CWF19L2: variants seen among roughly 807,000 people sequenced by gnomAD.
The protein encoded by CWF19L2 is CWF19 like cell cycle control factor 2.
Under a neutral mutation model 111.7 loss-of-function variants are expected in CWF19L2, and 98 were observed. The observed-to-expected ratio is 0.88, with a 90% CI of 0.75 to 1.04. The LOEUF (loss-of-function observed/expected upper bound fraction) is 1.04, where lower values mean the gene tolerates loss of function less well. Among genes scored for constraint, CWF19L2 ranks in the 50% least tolerant of loss-of-function variants. The probability of loss-of-function intolerance (pLI) is 0.00; values close to 1 mark genes in which losing one functional copy is unlikely to be tolerated. For synonymous variants in CWF19L2, 351 were observed against 342.9 expected (o/e 1.02, Z -0.26); for missense variants, 1,101 against 1,051.4 (o/e 1.05, Z -0.65).
Position 107,454,361 on chromosome 11 carries a change from G to A in CWF19L2, c.339+89C>T, listed in dbSNP as rs999878591. On this transcript the variant is annotated intron_variant, in intron 3 of 17. Coordinates refer to ENST00000282251, the MANE Select transcript of CWF19L2 (RefSeq NM_152434.3). ...TCATAACTAGTAATATATTTTTTACGTTTTCTTGTATTTTAACTTCCCATA... is the reference window on the plus strand; with the variant it reads ...TCATAACTAGTAATATATTTTTTACATTTTCTTGTATTTTAACTTCCCATA... 61 of 1,035,760 alleles carry A rather than the reference G, an allele frequency of 5.9e-5. No homozygotes were observed. In the East Asian group the frequency reaches 7.7e-4, roughly 13 times the overall value. The allele number at this position is 1,035,760 out of a possible 1,614,324, so 64.2% of individuals were successfully genotyped here.
At chr11:107,349,186 A>C in intron 13 of CWF19L2, 133 bp from the exon 14 acceptor site, 1 of 394,672 alleles carries the variant, frequency 2.5e-6, no homozygotes, top group Non-Finnish European at 4.7e-6. Flanking sequence ...TTTAATGAAG[A>C]ATACTTAAGA....
At chr11:107,435,918 G>A (rs1163478830) in intron 6 of CWF19L2, among the ~76,000 whole-genome samples, 1 of 152,082 alleles carries the variant, frequency 6.6e-6, no homozygotes. Flanking sequence ...CACTTTGGGA[G>A]GCCAAGGTGG....
chr11:107,410,711 T>C (rs571422445), intron 10 of CWF19L2, among the ~76,000 whole-genome samples: 1 of 152,292 alleles, frequency 6.6e-6, no homozygotes, highest in South Asian at 2.1e-4. Flanking sequence ...AATTATTCAG[T>C]CATATCCTCA....
At chr11:107,350,796 C>G (rs913046178) in intron 13 of CWF19L2, among the ~76,000 whole-genome samples, 17 of 151,996 alleles carry the variant, frequency 1.1e-4, no homozygotes, top group African/African-American at 4.1e-4. Context: ...AGGAAGCCTC[C>G]CTTTAAAGTT....
intron 14 of CWF19L2, among the ~76,000 whole-genome samples, chr11:107,337,989 T>C (rs1039956334): frequency 6.6e-6 from 1 of 152,180 alleles, no homozygotes; most frequent in Non-Finnish European, 1.5e-5. Context: ...ATATTGACAT[T>C]GATATAGTCA....
intron 10 of CWF19L2, chr11:107,404,324 G>C (rs1030430264): frequency 1.3e-6 from 1 of 788,560 alleles, no homozygotes; most frequent in East Asian, 2.4e-5. Flanking sequence ...CTTTAGGTCA[G>C]GGTTGGAAGC....
At chr11:107,333,599 T>C (rs1312750435) in intron 16 of CWF19L2, among the ~76,000 whole-genome samples, 2 of 152,224 alleles carry the variant, frequency 1.3e-5, no homozygotes, top group Non-Finnish European at 2.9e-5. Flanking sequence ...ACAGTACATT[T>C]AGAGTTTTTG....
At chr11:107,362,469 G>A (rs1297594923) in intron 12 of CWF19L2, among the ~76,000 whole-genome samples, 2 of 152,106 alleles carry the variant, frequency 1.3e-5, no homozygotes, top group African/African-American at 2.4e-5. Context: ...GCACGCAGCT[G>A]GAGATCTGAA....
intron 10 of CWF19L2, 114 bp from the exon 11 acceptor site, chr11:107,393,009 T>G (rs554862106): frequency 4.7e-6 from 3 of 636,576 alleles, no homozygotes; most frequent in Admixed American, 3.7e-5. Flanking sequence ...ACGTTGTGGA[T>G]TGCCTTAAAT....
intron 6 of CWF19L2, among the ~76,000 whole-genome samples, chr11:107,436,405 C>A (rs995647518): frequency 1.4e-5 from 2 of 145,634 alleles, no homozygotes; most frequent in African/African-American, 5.0e-5. Context: ...AATATTAATA[C>A]AACCAAATGA....
chr11:107,423,883 A>C (rs1445789588), intron 8 of CWF19L2, among the ~76,000 whole-genome samples: 2 of 151,786 alleles, frequency 1.3e-5, no homozygotes, highest in Non-Finnish European at 3.0e-5. Context: ...AAACGACTAC[A>C]TCAAATGTCA....
intron 12 of CWF19L2, among the ~76,000 whole-genome samples, chr11:107,364,632 A>G (rs1445575020): frequency 7.9e-6 from 1 of 127,062 alleles, no homozygotes; most frequent in Non-Finnish European, 1.6e-5. Flanking sequence ...CAACAAGAAC[A>G]AAGACACAAC....
intron 12 of CWF19L2, among the ~76,000 whole-genome samples, chr11:107,387,267 A>C (rs1215449034): frequency 1.3e-5 from 2 of 152,016 alleles, no homozygotes; most frequent in Non-Finnish European, 2.9e-5. Flanking sequence ...CTGTATCCTG[A>C]CACTTTTCAC....
In CWF19L2 at chr11:107,371,059, G is replaced by A. The variant is rs1860502844; in HGVS notation, c.1873-17323C>T. Among the ~76,000 whole-genome samples the A allele has an allele frequency of 1.6e-5, 2 of 122,164 alleles. 1 individual carries two copies. The highest frequency in any genetic ancestry group is 6.9e-5 in the African/African-American group (2 of 28,986). The allele number at this position is 122,164 out of a possible 152,430, so 80.1% of individuals were successfully genotyped here. A position where few individuals can be genotyped will look rare whatever the true frequency, so the allele number is the denominator to read the frequency against. On this transcript the variant is annotated intron_variant, in intron 12 of 17. Transcript: ENST00000282251. ...GACGGAGTCTCACTCTGTCGCCCAG[G>A]CTGGAGTGCAGTGGTGCGATCTCGG...
chr11:107,454,574 T>C lies in CWF19L2; in HGVS notation c.217-2A>G. The stretch of plus-strand genomic sequence containing the variant: ...CTTCTTTTTCTTCACAGAGTGTTCC[T>C]ACAATCATTTTGAACAGGCAAGAAA... On this transcript the variant is annotated splice_acceptor_variant, in intron 2 of 17. Coordinates refer to ENST00000282251, the MANE Select transcript of CWF19L2 (RefSeq NM_152434.3). LOFTEE classifies it high-confidence loss of function. 7.2e-7 allele frequency: 1 copy of C among 1,389,096 alleles called. No homozygotes were observed. The highest frequency in any genetic ancestry group is 9.3e-7 in the Non-Finnish European group (1 of 1,072,950). 86.0% of individuals were successfully genotyped at this position (1,389,096 alleles called of 1,614,324 possible). A position where few individuals can be genotyped will look rare whatever the true frequency, so the allele number is the denominator to read the frequency against.
At chr11:107,347,186 C>T (rs1860092569) in intron 14 of CWF19L2, among the ~76,000 whole-genome samples, 1 of 152,132 alleles carries the variant, frequency 6.6e-6, no homozygotes, top group South Asian at 2.1e-4. Flanking sequence ...CTCAAGTATG[C>T]TATGCTAAAA....
intron 14 of CWF19L2, among the ~76,000 whole-genome samples, chr11:107,342,500 T>C (rs1860019342): frequency 6.6e-6 from 1 of 152,190 alleles, no homozygotes; most frequent in Non-Finnish European, 1.5e-5. Flanking sequence ...TCTAGTTTGA[T>C]TCCACTGTGA....
chr11:107,438,770 C>A (rs994846592), intron 6 of CWF19L2, among the ~76,000 whole-genome samples: 2 of 152,090 alleles, frequency 1.3e-5, no homozygotes, highest in African/African-American at 2.4e-5. Context: ...TGAGGCCAGG[C>A]GCAGTAGCTC....
rs1420901800 is a variant in CWF19L2 at position 107,370,893 on chromosome 11, T to A, written c.1873-17157A>T. ...TATAGATAATTTAACATTAAACTAC[T>A]GAGAGACATAAGTACCTTTTATCAT... On this transcript the variant is annotated intron_variant, in intron 12 of 17. Coordinates refer to ENST00000282251, the MANE Select transcript of CWF19L2 (RefSeq NM_152434.3). Among the ~76,000 whole-genome samples the A allele has an allele frequency of 6.5e-5, 9 of 138,186 alleles. 4 individuals are homozygous for A. The highest frequency in any genetic ancestry group is 2.6e-4 in the African/African-American group (9 of 34,708). The allele number at this position is 138,186 out of a possible 152,430, so 90.7% of individuals were successfully genotyped here.
Sources: allele counts gnomAD v4.1 joint callset (sites outside exome capture counted in the v4.1 genomes callset), GRCh38; gene constraint gnomAD v4.1.1; transcripts MANE v1.5; gene names NCBI Gene and HGNC (gene_info 2026-07-23, HGNC 2026-07-21).